RAPGEF4: variants seen among roughly 807,000 people sequenced by gnomAD.
RAPGEF4 encodes the protein RAP guanine-nucleotide-exchange factor (GEF) 4.
A neutral mutation model predicts 147.9 loss-of-function variants in RAPGEF4; 66 were observed. The ratio of observed to expected loss-of-function variants is 0.45; its 90% confidence interval spans 0.37 to 0.55. The LOEUF is 0.55. RAPGEF4 is among the 20% of genes least tolerant of loss of function. RAPGEF4 has a pLI of 0.00. For missense variants in RAPGEF4, 1,071 were observed against 1,257.3 expected, an observed-to-expected ratio of 0.85 and a Z score of 2.24; for synonymous variants, 419 against 442.7, an observed-to-expected ratio of 0.95 and a Z score of 0.67.
intron 1 of RAPGEF4, among the ~76,000 whole-genome samples, chr2:172,793,310 T>C (rs1686012256): frequency 6.6e-6 from 1 of 152,210 alleles, no homozygotes. Context: ...GAAGATTACA[T>C]GCACAGGTGC....
intron 30 of RAPGEF4, among the ~76,000 whole-genome samples, chr2:173,050,660 A>G (rs1172286300): frequency 6.6e-6 from 1 of 152,110 alleles, no homozygotes; most frequent in Non-Finnish European, 1.5e-5. Context: ...TGTTGGGTCT[A>G]AAGAGAGCAT....
chr2:172,983,987 A>G (rs16861125), intron 11 of RAPGEF4, among the ~76,000 whole-genome samples: 8,471 of 152,062 alleles, frequency 0.056, 304 homozygotes, highest in East Asian at 0.11. Context: ...TATGGGGCCA[A>G]CTCCACCAGG....
intron 29 of RAPGEF4, among the ~76,000 whole-genome samples, chr2:173,045,964 G>A (rs545485851): frequency 3.3e-5 from 5 of 152,288 alleles, no homozygotes; most frequent in African/African-American, 1.2e-4. Flanking sequence ...GCAAAAGGAG[G>A]TGAAGTTAAA....
chr2:172,964,747 C>T (rs894426105), intron 8 of RAPGEF4, among the ~76,000 whole-genome samples: 25 of 152,322 alleles, frequency 1.6e-4, no homozygotes, highest in Non-Finnish European at 2.9e-4. Context: ...ATTCTATTTC[C>T]TCTCTTGAAC....
At chr2:172,987,796 T>C (rs1692425472) in intron 12 of RAPGEF4, among the ~76,000 whole-genome samples, 2 of 152,202 alleles carry the variant, frequency 1.3e-5, no homozygotes, top group Admixed American at 1.3e-4. Context: ...CAAGTGTGTG[T>C]AGGTATGTAT....
chr2:172,739,454 C>T (rs1352779324), intron 1 of RAPGEF4, among the ~76,000 whole-genome samples: 1 of 152,082 alleles, frequency 6.6e-6, no homozygotes, highest in Non-Finnish European at 1.5e-5. Context: ...TCACTGCAAC[C>T]TCCCCCTCCT....
intron 5 of RAPGEF4, among the ~76,000 whole-genome samples, chr2:172,921,654 C>A (rs1684775074): frequency 6.6e-6 from 1 of 152,184 alleles, no homozygotes; most frequent in Non-Finnish European, 1.5e-5. Flanking sequence ...ATAGGACTGC[C>A]TGTAGTAGAT....
At chr2:173,048,404 C>T in intron 29 of RAPGEF4, 196 bp from the exon 30 acceptor site, 1 of 1,220,798 alleles carries the variant, frequency 8.2e-7, no homozygotes, top group Non-Finnish European at 1.1e-6. Context: ...CCTGAAAATG[C>T]CTTGTATGTA....
chr2:172,954,286 G>A (rs1176138198), intron 6 of RAPGEF4, among the ~76,000 whole-genome samples: 1 of 152,062 alleles, frequency 6.6e-6, no homozygotes, highest in African/African-American at 2.4e-5. Context: ...TCTCAATCAG[G>A]ACTCTGGATT....
chr2:172,743,771 C>A (rs958823352), intron 1 of RAPGEF4, among the ~76,000 whole-genome samples: 5 of 152,136 alleles, frequency 3.3e-5, no homozygotes, highest in Admixed American at 2.6e-4. Flanking sequence ...CTTCTTTCTG[C>A]CTGGAGTTAC....
chr2:173,009,109 A>C (rs1694772219), intron 17 of RAPGEF4, among the ~76,000 whole-genome samples: 1 of 152,206 alleles, frequency 6.6e-6, no homozygotes, highest in African/African-American at 2.4e-5. Flanking sequence ...TTAAATACCC[A>C]ATAACTGAAA....
At chr2:172,897,911 A>G (rs1019324471) in intron 4 of RAPGEF4, among the ~76,000 whole-genome samples, 8 of 152,284 alleles carry the variant, frequency 5.3e-5, no homozygotes, top group African/African-American at 1.9e-4. Flanking sequence ...CACAAGCTCC[A>G]GATGAGATGC....
intron 1 of RAPGEF4, 31 bp from the exon 2 acceptor site, chr2:172,794,994 C>G: frequency 6.3e-7 from 1 of 1,580,426 alleles, no homozygotes. Context: ...TCTTTACTGA[C>G]ATAGCTTTTG....
chr2:173,006,627 C>G (rs939417922), intron 17 of RAPGEF4, among the ~76,000 whole-genome samples: 6 of 152,132 alleles, frequency 3.9e-5, no homozygotes, highest in Non-Finnish European at 8.8e-5. Context: ...AAATTAGGGT[C>G]CCTGTCATAA....
intron 1 of RAPGEF4, among the ~76,000 whole-genome samples, chr2:172,767,420 C>A (rs1696954856): frequency 1.3e-5 from 2 of 152,042 alleles, no homozygotes. Flanking sequence ...CTCAAATGAT[C>A]CACCTGCCTC....
intron 4 of RAPGEF4, among the ~76,000 whole-genome samples, chr2:172,836,439 C>T (rs1034223387): frequency 1.3e-5 from 2 of 152,216 alleles, no homozygotes; most frequent in African/African-American, 4.8e-5. Flanking sequence ...TATCCTAGAG[C>T]AACCTCATAG....
rs1321283591 is a variant in RAPGEF4, at chr2:173,051,756, C to T, written c.3025C>T (p.Arg1009Cys). 9 of 1,613,642 alleles carry T rather than the reference C, an allele frequency of 5.6e-6. No individual in the cohort carries two copies. Among genetic ancestry groups the T allele is most frequent in the Admixed American group, 3.3e-5 (2 of 59,986 alleles). ...LSQMSHRLEP[R>C]RP ...ACAGATGTCACACAGATTAGAGCCT[C>T]GTCGACCATAGACATTTCAAATGCC... The change falls in exon 31 of 31, where the codon CGT (arginine) becomes TGT (cysteine). Residue 1009 changes from arginine (R) to cysteine (C), a missense_variant. Physicochemically the swap from Arg to Cys is radical, Grantham distance 180. Coordinates refer to ENST00000397081, the MANE Select transcript of RAPGEF4 (RefSeq NM_007023.4).
intron 1 of RAPGEF4, among the ~76,000 whole-genome samples, chr2:172,739,365 TTTTTTG>T (rs142967580): frequency 0.12 from 17,877 of 151,506 alleles, 1,171 homozygotes; most frequent in Non-Finnish European, 0.14. Flanking sequence ...TTGTTTAAGT[TTTTTTG>T]TTTTTGTTTT....
chr2:172,768,099 A>T (rs1222215669), intron 1 of RAPGEF4, among the ~76,000 whole-genome samples: 2 of 152,188 alleles, frequency 1.3e-5, no homozygotes, highest in Non-Finnish European at 2.9e-5. Context: ...GGCATGAGCC[A>T]CCGCGCCTGG....
Sources: gnomAD v4.1 joint callset for allele counts (sites outside exome capture counted in the v4.1 genomes callset) on GRCh38, gnomAD v4.1.1 for gene constraint, MANE v1.5 for transcripts, NCBI Gene and HGNC (gene_info 2026-07-23, HGNC 2026-07-21) for gene names.